Variants in ALDH5A1 observed in about 807,000 individuals in gnomAD.
ALDH5A1 encodes aldehyde dehydrogenase 5 family member A1, also known as succinate-semialdehyde dehydrogenase, mitochondrial.
A neutral mutation model predicts 54.7 loss-of-function variants in ALDH5A1; 33 were observed. The observed-to-expected ratio is 0.60, with a 90% CI of 0.46 to 0.81. The LOEUF (loss-of-function observed/expected upper bound fraction) is 0.81, where lower values mean the gene tolerates loss of function less well. Ranked by LOEUF, ALDH5A1 falls within the 30% of genes least tolerant of loss-of-function variation. The probability of loss-of-function intolerance (pLI) is 0.00; values close to 1 mark genes in which losing one functional copy is unlikely to be tolerated. For missense variants in ALDH5A1, 657 were observed against 711.0 expected (o/e 0.92, Z 0.86); for synonymous variants, 294 against 292.7 (o/e 1.00, Z -0.05).
chr6:24,508,528 A>G (rs1759405221), intron 4 of ALDH5A1, among the ~76,000 whole-genome samples: 1 of 152,078 alleles, frequency 6.6e-6, no homozygotes, highest in Non-Finnish European at 1.5e-5. Flanking sequence ...ATTGATGGGC[A>G]TTTGGGTTTG....
At chr6:24,515,102 CTTTTTTTTT>C (rs4646842) in intron 4 of ALDH5A1, 56 bp from the exon 5 acceptor site, 9 of 932,058 alleles carry the variant, frequency 9.7e-6, no homozygotes, top group Non-Finnish European at 1.3e-5. Flanking sequence ...TTTCTCTTTT[CTTTTTTTTT>C]TTTTTTTTTT....
chr6:24,496,515 C>T (rs984817075), intron 1 of ALDH5A1, among the ~76,000 whole-genome samples: 7 of 152,134 alleles, frequency 4.6e-5, no homozygotes, highest in East Asian at 3.9e-4. Context: ...CTCATTTTAC[C>T]GCTCTGGAGG....
At chr6:24,530,082 T>C (rs530872901) in intron 8 of ALDH5A1, among the ~76,000 whole-genome samples, 3 of 152,374 alleles carry the variant, frequency 2.0e-5, no homozygotes, top group Admixed American at 6.5e-5. Context: ...TAGTCTATTA[T>C]TGTGATACTT....
rs1220385020 is a variant in ALDH5A1 at position 24,508,377 on chromosome 6, AAAAAAAAAAAAGATT to A, written c.726+3395_726+3409del. Among the ~76,000 whole-genome samples, 469 of 47,122 alleles carry A rather than the reference AAAAAAAAAAAAGATT, an allele frequency of 1.0e-2. 37 individuals are homozygous for A. Among genetic ancestry groups the A allele is most frequent in the Middle Eastern group, 0.029 (3 of 104 alleles). 30.9% of individuals were successfully genotyped at this position (47,122 alleles called of 152,430 possible). ...CTCCATCTCCAAAAAAAAAAAAAAA[AAAAAAAAAAAAGATT>A]AATAGTCTCTAATCCTCTAATCTCA... is the stretch of plus-strand genomic sequence containing the variant. On this transcript the variant is annotated intron_variant, in intron 4 of 9. Coordinates refer to ENST00000357578, the MANE Select transcript of ALDH5A1 (RefSeq NM_001080.3).
Position 24,532,184 on chromosome 6 carries a change from G to A in ALDH5A1, c.1402+7G>A, listed in dbSNP as rs12211574. 150,037 of 1,612,462 alleles carry A rather than the reference G, an allele frequency of 0.093. 7,913 individuals are homozygous for A. Among genetic ancestry groups the A allele is most frequent in the Non-Finnish European group, 0.1 (123,691 of 1,178,498 alleles). On this transcript the variant is annotated splice_region_variant and intron_variant, in intron 9 of 9. Coordinates refer to ENST00000357578, the MANE Select transcript of ALDH5A1 (RefSeq NM_001080.3). ...GCTGATGTTGGGTTAGCAGGTAGGT[G>A]TTTGTCCTTGTTCAATACCAGTCAT...
rs561335173 is a variant in ALDH5A1 at position 24,530,121 on chromosome 6, C to T, written c.1343+1955C>T. 8.5e-5 allele frequency among the ~76,000 whole-genome samples: 13 copies of T among 152,222 alleles called. No individual in the cohort carries two copies. The East Asian group carries it at 2.3e-3, about 27-fold the overall frequency. On this transcript the variant is annotated intron_variant, in intron 8 of 9. Coordinates refer to ENST00000357578, the MANE Select transcript of ALDH5A1 (RefSeq NM_001080.3). ...CTTCTGTGCCCTAGTTCTCTTGTCT[C>T]TTCATTCCATCTCTTCATTCCTGAT...
chr6:24,506,631 A>G (rs1315934014), intron 4 of ALDH5A1, among the ~76,000 whole-genome samples: 1 of 152,192 alleles, frequency 6.6e-6, no homozygotes, highest in African/African-American at 2.4e-5. Flanking sequence ...ACAGCTTCTG[A>G]ATATCAATTT....
intron 4 of ALDH5A1, among the ~76,000 whole-genome samples, chr6:24,506,880 C>T (rs145610540): frequency 2.1e-3 from 318 of 151,900 alleles, no homozygotes; most frequent in African/African-American, 6.3e-3. Flanking sequence ...AATAGTGATA[C>T]GTTGTTATTA....
rs1330992054 is a variant in ALDH5A1, at chr6:24,518,158, CTTTCTG to C, written c.871-2237_871-2232del. On this transcript the variant is annotated intron_variant, in intron 5 of 9. Coordinates refer to ENST00000357578, the MANE Select transcript of ALDH5A1 (RefSeq NM_001080.3). This position sits in a 1 kb window ranked among gnomAD's most constrained non-coding sequence, Gnocchi z 4.2. ...CTAGAGAAGAGAGAGAGCTGTTTTG[CTTTCTG>C]TTTCTTTCTCTTTCTTTTGCCTATT... is the stretch of plus-strand genomic sequence containing the variant. Among the ~76,000 whole-genome samples, 1 of 152,190 alleles carries C rather than the reference CTTTCTG, an allele frequency of 6.6e-6. No homozygotes were observed. The highest frequency in any genetic ancestry group is 1.5e-5 in the Non-Finnish European group (1 of 68,030).
At chr6:24,529,670 G>GGTTT (rs1759890109) in intron 8 of ALDH5A1, among the ~76,000 whole-genome samples, 1 of 86,328 alleles carries the variant, frequency 1.2e-5, no homozygotes, top group Non-Finnish European at 2.1e-5. Context: ...TTTGGTTTGG[G>GGTTT]TTTTTTTTTT....
chr6:24,495,258 G>T lies in ALDH5A1; in HGVS notation c.262G>T (p.Gly88Cys). Residue 88 changes from glycine (G) to cysteine (C), a missense_variant, in exon 1 of 10, where the codon GGC becomes TGC. By Grantham distance (159) the Gly-to-Cys change is radical (BLOSUM62 -3). Transcript: ENST00000357578. ...VQDPASGAAL[G>C]MVADCGVREA... Reference sequence around the variant, plus strand: ...AGACCCGGCCAGCGGCGCCGCTCTGGGCATGGTAGCCGACTGCGGGGTGCG... The same window carrying T: ...AGACCCGGCCAGCGGCGCCGCTCTGTGCATGGTAGCCGACTGCGGGGTGCG... 2 of 1,532,444 alleles carry T rather than the reference G, an allele frequency of 1.3e-6. No homozygotes were observed. The highest frequency in any genetic ancestry group is 1.7e-6 in the Non-Finnish European group (2 of 1,146,044). The allele number at this position is 1,532,444 out of a possible 1,614,324, so 94.9% of individuals were successfully genotyped here. A position where few individuals can be genotyped will look rare whatever the true frequency, so the allele number is the denominator to read the frequency against.
intron 4 of ALDH5A1, among the ~76,000 whole-genome samples, chr6:24,514,168 T>C (rs913431636): frequency 6.6e-6 from 1 of 152,234 alleles, no homozygotes; most frequent in South Asian, 2.1e-4. Flanking sequence ...TGGGTTTGCA[T>C]GCGGGTTCTG....
chr6:24,508,609 ACTT>A (rs1184917820), intron 4 of ALDH5A1, among the ~76,000 whole-genome samples: 3 of 150,486 alleles, frequency 2.0e-5, no homozygotes, highest in Non-Finnish European at 4.4e-5. Context: ...CTGTATAATG[ACTT>A]CTTTTCCTCT....
intron 5 of ALDH5A1, 82 bp downstream of exon 5, chr6:24,515,392 G>A: frequency 2.6e-6 from 4 of 1,510,590 alleles, no homozygotes; most frequent in South Asian, 2.3e-5. Context: ...ATTTCATCCT[G>A]ATCACCAATT....
At chr6:24,514,812 C>T (rs1759530092) in intron 4 of ALDH5A1, among the ~76,000 whole-genome samples, 1 of 151,732 alleles carries the variant, frequency 6.6e-6, no homozygotes, top group Non-Finnish European at 1.5e-5. Context: ...TTGTTCTGTT[C>T]CCCAGGCTGG....
intron 1 of ALDH5A1, among the ~76,000 whole-genome samples, chr6:24,496,960 C>G (rs976105067): frequency 1.3e-5 from 2 of 152,134 alleles, no homozygotes; most frequent in Non-Finnish European, 2.9e-5. Context: ...TCATTGAGGA[C>G]ATGAGATACA....
At chr6:24,526,964 ATGTGTGTGTG>A (rs1182158053) in intron 7 of ALDH5A1, among the ~76,000 whole-genome samples, 3,366 of 15,690 alleles carry the variant, frequency 0.21, 230 homozygotes, top group Non-Finnish European at 0.36. Context: ...ATATATATAT[ATGTGTGTGTG>A]TATATATATA....
intron 4 of ALDH5A1, among the ~76,000 whole-genome samples, chr6:24,511,038 ATG>A (rs1428538085): frequency 6.6e-6 from 1 of 152,166 alleles, no homozygotes; most frequent in Non-Finnish European, 1.5e-5. Flanking sequence ...TTCTCTCAGC[ATG>A]TGTTTGTCTG....
chr6:24,501,702 C>A (rs1462910371), intron 1 of ALDH5A1, among the ~76,000 whole-genome samples: 1 of 152,032 alleles, frequency 6.6e-6, no homozygotes. Flanking sequence ...CAGAACAAAA[C>A]CCTGTCTCTT....
Sources: allele counts gnomAD v4.1 joint callset (sites outside exome capture counted in the v4.1 genomes callset), GRCh38; gene constraint gnomAD v4.1.1; non-coding constraint Gnocchi (gnomAD v3.1); transcripts MANE v1.5; gene names NCBI Gene and HGNC (gene_info 2026-07-23, HGNC 2026-07-21).